Variants in TENM1 observed in about 807,000 individuals in gnomAD.
The protein encoded by TENM1 is teneurin transmembrane protein 1.
A neutral mutation model predicts 174.8 loss-of-function variants in TENM1; 35 were observed. The ratio of observed to expected loss-of-function variants is 0.20; its 90% CI spans 0.15 to 0.27. The LOEUF (loss-of-function observed/expected upper bound fraction) is 0.27, where lower values mean the gene tolerates loss of function less well. Among genes scored for constraint, TENM1 ranks in the 10% least tolerant of loss-of-function variants. The pLI, the probability that TENM1 is intolerant of heterozygous loss-of-function variation, is 1.00. For missense variants in TENM1, 1,633 were observed against 2,130.1 expected (o/e 0.77, Z 4.59); for synonymous variants, 781 against 798.7 (o/e 0.98, Z 0.37).
the TENM1 span, among the ~76,000 whole-genome samples, chrX:124,984,677 G>T: frequency 8.9e-6 from 1 of 111,833 alleles, no homozygotes; most frequent in Non-Finnish European, 1.9e-5. Flanking sequence ...TAAGTGAAGA[G>T]AATTGAGCTC....
chrX:124,530,546 G>A (rs2048082085), intron 15 of TENM1, among the ~76,000 whole-genome samples: 2 of 111,157 alleles, frequency 1.8e-5, no homozygotes, highest in Non-Finnish European at 3.8e-5. Flanking sequence ...CTATTAGTTT[G>A]TTGTGTGCAT....
At chrX:124,937,433 T>C (rs774052538) in intron 1 of TENM1, among the ~76,000 whole-genome samples, 5 of 111,853 alleles carry the variant, frequency 4.5e-5, no homozygotes, top group African/African-American at 1.6e-4. Context: ...AGCAAATAAA[T>C]AGATGATGCT....
In TENM1 at chrX:124,818,909, A is replaced by G. The variant is rs2055969096; in HGVS notation, c.535+75387T>C. On this transcript the variant is annotated intron_variant, in intron 3 of 31. Transcript: ENST00000422452. ...ATAAAATTGGTTCAGGTCAGTACAC[A>G]ACAGAAAGCTGTTGGGTTGTGTAAC... Among the ~76,000 whole-genome samples, 2 of 111,630 alleles carry G rather than the reference A, an allele frequency of 1.8e-5. 1 individual carries two copies. Among genetic ancestry groups the G allele is most frequent in the Admixed American group, 1.9e-4 (2 of 10,493 alleles).
chrX:124,951,118 T>C (rs1417730357), intron 1 of TENM1, among the ~76,000 whole-genome samples: 3 of 111,721 alleles, frequency 2.7e-5, no homozygotes, highest in Non-Finnish European at 3.8e-5. Context: ...GTTTCAAATA[T>C]ACATTTTGAA....
At chrX:124,955,506 A>G (rs1286828199) in intron 1 of TENM1, among the ~76,000 whole-genome samples, 2 of 111,295 alleles carry the variant, frequency 1.8e-5, no homozygotes, top group African/African-American at 3.3e-5. Context: ...TTGTTCTTCT[A>G]TGACATATCA....
chrX:124,517,174 G>C (rs1335879957), intron 18 of TENM1, among the ~76,000 whole-genome samples: 3 of 110,790 alleles, frequency 2.7e-5, no homozygotes, highest in African/African-American at 6.6e-5. Context: ...AGGAGGGAAA[G>C]GAGCAGCAAA....
chrX:125,146,586 TAGAG>T, the TENM1 span, among the ~76,000 whole-genome samples: 1 of 111,592 alleles, frequency 9.0e-6, no homozygotes, highest in African/African-American at 3.3e-5. Context: ...GTTTCTGAGA[TAGAG>T]AGAATTAAGG....
intron 11 of TENM1, among the ~76,000 whole-genome samples, chrX:124,584,113 A>G (rs1219621018): frequency 9.0e-6 from 1 of 110,741 alleles, no homozygotes; most frequent in Non-Finnish European, 1.9e-5. Context: ...AATGCTCTGC[A>G]GGATATTATC....
intron 3 of TENM1, among the ~76,000 whole-genome samples, chrX:124,780,735 A>C (rs779650260): frequency 9.0e-6 from 1 of 111,496 alleles, no homozygotes; most frequent in African/African-American, 3.3e-5. Context: ...AGAATCCATT[A>C]TTTTCTGAGC....
Position 124,639,735 on chromosome X carries a change from ATT to A in TENM1, c.2077+2054_2077+2055del, listed in dbSNP as rs763396946. Among the ~76,000 whole-genome samples the A allele has an allele frequency of 6.1e-3, 679 of 111,609 alleles. 9 individuals carry two copies. The highest frequency in any genetic ancestry group is 0.02 in the African/African-American group (626 of 30,697). On this transcript the variant is annotated intron_variant, in intron 11 of 31. Coordinates refer to ENST00000422452, the Ensembl canonical transcript of TENM1. ...TTACAATAGTGACTAATACATAATA[ATT>A]ATTATGTGTTTGCTACAATAATAAT...
intron 18 of TENM1, 71 bp downstream of exon 21, chrX:124,520,446 T>TTAACA (rs1380851160): frequency 6.2e-6 from 6 of 975,421 alleles, no homozygotes; most frequent in African/African-American, 3.8e-5. Flanking sequence ...CAAATACAAA[T>TTAACA]TAACATGTAA....
At chrX:125,092,301 A>T in the TENM1 span, among the ~76,000 whole-genome samples, 1 of 111,633 alleles carries the variant, frequency 9.0e-6, no homozygotes, top group Non-Finnish European at 1.9e-5. Flanking sequence ...CAAAAAAAGG[A>T]TTGGGAAAGG....
At position 124,422,295 on chromosome X, in the gene TENM1, T is replaced by C. The variant is rs1452387615; in HGVS notation, c.4448A>G (p.Asp1483Gly). ...ACCTGAAAAACAGTCACAGTTTGGA[T>C]CAATTTTGCAGTCACAGTCAGTGGG... The change falls in exon 24 of 32, where the codon GAT becomes GGT. Residue 1483 changes from aspartate (D) to glycine (G), a missense_variant. By Grantham distance (94) the Asp-to-Gly change is moderately conservative (BLOSUM62 -1). Coordinates refer to ENST00000422452, the Ensembl canonical transcript of TENM1. The C allele has an allele frequency of 1.7e-6, 2 of 1,208,704 alleles. No individual in the cohort carries two copies. Among genetic ancestry groups the C allele is most frequent in the Admixed American group, 2.2e-5 (1 of 45,752 alleles).
At chrX:124,946,814 G>A (rs1239995881) in intron 1 of TENM1, among the ~76,000 whole-genome samples, 1 of 109,629 alleles carries the variant, frequency 9.1e-6, no homozygotes, top group Non-Finnish European at 1.9e-5. Flanking sequence ...AAAATCAAAC[G>A]CTGAAAAATG....
At chrX:124,377,992 G>GT (rs5903662) in exon 32 of TENM1, 15,446 of 105,428 alleles carry the variant, frequency 0.15, 1,054 homozygotes, top group Non-Finnish European at 0.2. Flanking sequence ...TAGTAGTTTT[G>GT]TTTTTTTTTT....
the TENM1 span, among the ~76,000 whole-genome samples, chrX:125,030,147 A>G: frequency 4.5e-5 from 5 of 112,101 alleles, no homozygotes; most frequent in Non-Finnish European, 9.4e-5. Flanking sequence ...TAATGTTTTG[A>G]GAGTTCACAG....
In TENM1 at chrX:124,810,225, C is replaced by A. The variant is rs143738337; in HGVS notation, c.536-73028G>T. Reference sequence around the variant, plus strand: ...GAAAATTCTATCCAGAATAATTAGACAGTAGAAATAAATAAAAGGCATCCA... The same window carrying A: ...GAAAATTCTATCCAGAATAATTAGAAAGTAGAAATAAATAAAAGGCATCCA... On this transcript the variant is annotated intron_variant, in intron 3 of 31. Transcript: ENST00000422452. Among the ~76,000 whole-genome samples, 83 of 111,671 alleles carry A rather than the reference C, an allele frequency of 7.4e-4. 1 individual carries two copies. Among genetic ancestry groups the A allele is most frequent in the African/African-American group, 2.6e-3 (81 of 30,769 alleles).
At chrX:124,541,232 T>C (rs2048312166) in intron 15 of TENM1, among the ~76,000 whole-genome samples, 1 of 111,536 alleles carries the variant, frequency 9.0e-6, no homozygotes, top group Non-Finnish European at 1.9e-5. Flanking sequence ...AAGAGCATGA[T>C]ATAGTTTGTA....
chrX:125,150,590 G>A, the TENM1 span, among the ~76,000 whole-genome samples: 6 of 112,050 alleles, frequency 5.4e-5, no homozygotes, highest in Admixed American at 2.8e-4. Flanking sequence ...CTCTCTTAGT[G>A]ATACCTAACC....
Sources: allele counts gnomAD v4.1 joint callset (sites outside exome capture counted in the v4.1 genomes callset), GRCh38; gene constraint gnomAD v4.1.1; transcripts MANE v1.5; gene names NCBI Gene and HGNC (gene_info 2026-07-23, HGNC 2026-07-21).